GLIS1: variants seen among roughly 807,000 people sequenced by gnomAD.
GLIS1 encodes the protein GLIS family zinc finger 1.
GLIS1 carries 24 observed loss-of-function variants against 63.8 expected under a neutral mutation model. The observed-to-expected ratio is 0.38, with a 90% CI of 0.27 to 0.53. GLIS1 has a LOEUF of 0.53. Among genes scored for constraint, GLIS1 ranks in the 20% least tolerant of loss-of-function variants. GLIS1 has a pLI of 0.85. For missense variants in GLIS1, 1,036 were observed against 1,074.1 expected (o/e 0.96, Z 0.50); for synonymous variants, 450 against 482.5 (o/e 0.93, Z 0.88).
chr1:53,525,469 G>A (rs2100313404), intron 5 of GLIS1, among the ~76,000 whole-genome samples: 1 of 146,562 alleles, frequency 6.8e-6, no homozygotes, highest in Non-Finnish European at 1.5e-5. Flanking sequence ...GGGGAGGCTG[G>A]GGAGGCTGGG....
intron 10 of GLIS1, among the ~76,000 whole-genome samples, chr1:53,507,937 G>A (rs771964971): frequency 1.1e-4 from 16 of 152,180 alleles, no homozygotes; most frequent in Non-Finnish European, 1.9e-4. Flanking sequence ...CAGAGCACCC[G>A]TCTTCCATGT....
intron 5 of GLIS1, among the ~76,000 whole-genome samples, chr1:53,528,194 A>T (rs936731373): frequency 1.3e-5 from 2 of 151,932 alleles, no homozygotes; most frequent in African/African-American, 4.8e-5. Flanking sequence ...GCTAGCACCC[A>T]CTCCTCACTT....
intron 2 of GLIS1, among the ~76,000 whole-genome samples, chr1:53,657,786 G>A (rs1448460887): frequency 6.6e-6 from 1 of 152,210 alleles, no homozygotes; most frequent in African/African-American, 2.4e-5. Flanking sequence ...GAGCCTGACA[G>A]CAAATTCCTG....
chr1:53,695,468 G>A (rs934774043), intron 2 of GLIS1, among the ~76,000 whole-genome samples: 3 of 152,226 alleles, frequency 2.0e-5, no homozygotes, highest in Non-Finnish European at 4.4e-5. Context: ...CGACTTGTCT[G>A]TCCTCAGCCA....
chr1:53,701,231 A>G (rs1214339307), intron 2 of GLIS1, among the ~76,000 whole-genome samples: 1 of 152,244 alleles, frequency 6.6e-6, no homozygotes, highest in Non-Finnish European at 1.5e-5. Context: ...CACTATTTAC[A>G]GTCCCACCAG....
intron 2 of GLIS1, among the ~76,000 whole-genome samples, chr1:53,690,883 C>T (rs1224484186): frequency 6.6e-6 from 1 of 152,194 alleles, no homozygotes; most frequent in Non-Finnish European, 1.5e-5. Context: ...GACATGTAAT[C>T]CTCACAACAA....
rs542815690 is a variant in GLIS1, at chr1:53,651,099, A to T, written c.260-50821T>A. Among the ~76,000 whole-genome samples the T allele has an allele frequency of 2.6e-5, 4 of 152,338 alleles. No homozygotes were observed. The South Asian group carries it at 6.2e-4, about 24-fold the overall frequency. On this transcript the variant is annotated intron_variant, in intron 2 of 10. Coordinates refer to ENST00000628545, the MANE Select transcript of GLIS1 (RefSeq NM_001367484.1). ...ACCACGACAGTAAAAAATAAAAATT[A>T]AAAAAAGTTTAAGTGCATCGTATGC... is the stretch of plus-strand genomic sequence containing the variant.
At chr1:53,513,546 C>T (rs1194996038) in intron 8 of GLIS1, among the ~76,000 whole-genome samples, 1 of 152,174 alleles carries the variant, frequency 6.6e-6, no homozygotes, top group African/African-American at 2.4e-5. Context: ...CTCACCTCCT[C>T]CAGGAAGCCT....
chr1:53,548,101 T>C (rs961584201), intron 4 of GLIS1, among the ~76,000 whole-genome samples: 5 of 152,260 alleles, frequency 3.3e-5, no homozygotes, highest in African/African-American at 9.6e-5. Flanking sequence ...GCATTTCTGC[T>C]GAGTGCAGGC....
chr1:53,657,098 C>T (rs1269660072), intron 2 of GLIS1, among the ~76,000 whole-genome samples: 2 of 152,190 alleles, frequency 1.3e-5, no homozygotes, highest in Non-Finnish European at 2.9e-5. Flanking sequence ...TGTTTGCCAC[C>T]CCCGGGCTAA....
intron 2 of GLIS1, among the ~76,000 whole-genome samples, chr1:53,669,919 G>C (rs1238910813): frequency 6.6e-6 from 1 of 152,218 alleles, no homozygotes; most frequent in African/African-American, 2.4e-5. Flanking sequence ...TTCCTGACCA[G>C]GACAGCAGCT....
intron 2 of GLIS1, among the ~76,000 whole-genome samples, chr1:53,700,646 T>G (rs1265966661): frequency 1.3e-5 from 2 of 152,202 alleles, no homozygotes; most frequent in African/African-American, 4.8e-5. Flanking sequence ...TATCACAAGA[T>G]TCACCCTTTT....
At chr1:53,738,767 A>G (rs1390256642) in intron 1 of GLIS1, among the ~76,000 whole-genome samples, 1 of 151,982 alleles carries the variant, frequency 6.6e-6, no homozygotes, top group Non-Finnish European at 1.5e-5. Flanking sequence ...GCGCGCGCAA[A>G]CCGGCACAGT....
chr1:53,604,665 T>C (rs1645351131), intron 2 of GLIS1, among the ~76,000 whole-genome samples: 1 of 152,126 alleles, frequency 6.6e-6, no homozygotes, highest in African/African-American at 2.4e-5. Flanking sequence ...TTACAAAACA[T>C]TTTTGCATCC....
chr1:53,664,746 G>A (rs1477272629), intron 2 of GLIS1, among the ~76,000 whole-genome samples: 2 of 152,218 alleles, frequency 1.3e-5, no homozygotes, highest in Non-Finnish European at 2.9e-5. Flanking sequence ...TGGGGCCTGG[G>A]GGTGGGGTGC....
intron 6 of GLIS1, among the ~76,000 whole-genome samples, chr1:53,521,313 C>T (rs753958886): frequency 1.8e-4 from 28 of 152,250 alleles, no homozygotes; most frequent in Middle Eastern, 3.4e-3. Flanking sequence ...AGGAATAAAG[C>T]GCAATAGGTG....
intron 2 of GLIS1, among the ~76,000 whole-genome samples, chr1:53,642,523 G>T (rs1645798501): frequency 1.3e-5 from 2 of 152,300 alleles, no homozygotes; most frequent in South Asian, 4.1e-4. Context: ...TTTACAGAAG[G>T]TTTGTTCTGT....
At chr1:53,715,215 A>G (rs1646685709) in intron 2 of GLIS1, among the ~76,000 whole-genome samples, 1 of 152,194 alleles carries the variant, frequency 6.6e-6, no homozygotes, top group Non-Finnish European at 1.5e-5. Context: ...GTGCCTGGCC[A>G]AGTCTTCATT....
chr1:53,713,558 A>G, intron 2 of GLIS1, among the ~76,000 whole-genome samples: 1 of 152,258 alleles, frequency 6.6e-6, no homozygotes, highest in East Asian at 1.9e-4. Context: ...CTTCAAGACC[A>G]GCCTGGGCAA....
Sources: gnomAD v4.1 joint callset for allele counts (sites outside exome capture counted in the v4.1 genomes callset) on GRCh38, gnomAD v4.1.1 for gene constraint, MANE v1.5 for transcripts, NCBI Gene and HGNC (gene_info 2026-07-23, HGNC 2026-07-21) for gene names.